Variants in NAXD observed in about 807,000 individuals in gnomAD.
NAXD encodes the protein NAD(P)HX dehydratase.
A neutral mutation model predicts 35.8 loss-of-function variants in NAXD; 22 were observed. The ratio of observed to expected loss-of-function variants is 0.62; its 90% confidence interval spans 0.44 to 0.88. The LOEUF is 0.88. Among genes scored for constraint, NAXD ranks in the 40% least tolerant of loss-of-function variants. NAXD has a pLI of 0.00. For missense variants in NAXD, 428 were observed against 437.7 expected (o/e 0.98, Z 0.20); for synonymous variants, 189 against 177.6 (o/e 1.06, Z -0.51).
chr13:110,616,827 C>T (rs1360207802), intron 1 of NAXD, among the ~76,000 whole-genome samples: 1 of 152,136 alleles, frequency 6.6e-6, no homozygotes, highest in Non-Finnish European at 1.5e-5. Context: ...GTTAAACGCA[C>T]CATTTGTTGC....
At chr13:110,620,578 CAAAAA>C (rs34370844) in intron 1 of NAXD, among the ~76,000 whole-genome samples, 1 of 84,906 alleles carries the variant, frequency 1.2e-5, no homozygotes, top group Admixed American at 1.2e-4. Flanking sequence ...GACTCTGTCT[CAAAAA>C]AAAAAAAAAA....
chr13:110,631,704 T>C (rs1446793261), intron 5 of NAXD, among the ~76,000 whole-genome samples: 1 of 152,210 alleles, frequency 6.6e-6, no homozygotes, highest in Non-Finnish European at 1.5e-5. Flanking sequence ...CTGCCAGTTT[T>C]AACAGTAAAG....
chr13:110,632,373 G>A (rs183788313), intron 5 of NAXD, among the ~76,000 whole-genome samples: 98 of 152,324 alleles, frequency 6.4e-4, no homozygotes, highest in African/African-American at 2.2e-3. Context: ...TGCAAAGAGC[G>A]AAAGAACAAA....
chr13:110,635,619 C>T (rs1377577074), intron 8 of NAXD, 31 bp downstream of exon 8: 3 of 1,610,324 alleles, frequency 1.9e-6, no homozygotes, highest in Non-Finnish European at 1.7e-6. Context: ...GTGCATGGGC[C>T]AGTGCCAGGT....
At chr13:110,631,293 G>C (rs1432685416) in intron 5 of NAXD, among the ~76,000 whole-genome samples, 2 of 152,234 alleles carry the variant, frequency 1.3e-5, no homozygotes. Context: ...ATCTACTACA[G>C]TGTATTTAGT....
rs1228152377 is a variant in NAXD, at chr13:110,619,002, G to A, written c.47-3214G>A. On this transcript the variant is annotated intron_variant, in intron 1 of 9. Transcript: ENST00000680254. Reference sequence around the variant, plus strand: ...GGTGCTGCAGTTGTGACCCCGAGGCGGCCCTGCTGTGCCCTCCTGGGAGTG... The same window carrying A: ...GGTGCTGCAGTTGTGACCCCGAGGCAGCCCTGCTGTGCCCTCCTGGGAGTG... Among the ~76,000 whole-genome samples, 4 of 152,336 alleles carry A rather than the reference G, an allele frequency of 2.6e-5. No homozygotes were observed. In the South Asian group the frequency reaches 8.3e-4, roughly 32 times the overall value.
chr13:110,623,392 G>A (rs1886339144), intron 2 of NAXD, among the ~76,000 whole-genome samples: 1 of 152,168 alleles, frequency 6.6e-6, no homozygotes, highest in Non-Finnish European at 1.5e-5. Context: ...TTCTGTGCCT[G>A]AAGTGCCCTT....
chr13:110,619,242 T>A (rs1033310096), intron 1 of NAXD, among the ~76,000 whole-genome samples: 1 of 152,234 alleles, frequency 6.6e-6, no homozygotes, highest in Non-Finnish European at 1.5e-5. Flanking sequence ...ATACCTCACC[T>A]ATAGTACTTT....
intron 5 of NAXD, among the ~76,000 whole-genome samples, chr13:110,630,686 T>G (rs1222273142): frequency 6.6e-6 from 1 of 152,210 alleles, no homozygotes; most frequent in Admixed American, 6.5e-5. Flanking sequence ...CATGTCGAGC[T>G]GATGCTGGTG....
intron 5 of NAXD, among the ~76,000 whole-genome samples, chr13:110,629,518 C>T (rs1886626886): frequency 6.6e-6 from 1 of 152,200 alleles, no homozygotes; most frequent in South Asian, 2.1e-4. Flanking sequence ...TGCTTTCTGT[C>T]TCTCTGGATT....
At chr13:110,627,662 T>C (rs887586991) in intron 5 of NAXD, 115 bp downstream of exon 5, 64 of 698,378 alleles carry the variant, frequency 9.2e-5, no homozygotes, top group Admixed American at 7.2e-4. Context: ...CTTTGTGGCA[T>C]GATTGAGATA....
intron 1 of NAXD, 56 bp from the exon 2 acceptor site, chr13:110,622,160 G>A (rs1430423840): frequency 1.4e-6 from 2 of 1,462,876 alleles, no homozygotes; most frequent in Non-Finnish European, 1.9e-6. Flanking sequence ...GGGCTATTAT[G>A]TGTACTAACA....
At chr13:110,618,934 C>G (rs1456501141) in intron 1 of NAXD, among the ~76,000 whole-genome samples, 1 of 152,170 alleles carries the variant, frequency 6.6e-6, no homozygotes, top group Non-Finnish European at 1.5e-5. Context: ...GGAGCAGATG[C>G]GGAGAGGACA....
chr13:110,615,922 G>C, intron 1 of NAXD: 1 of 608,122 alleles, frequency 1.6e-6, no homozygotes, highest in Non-Finnish European at 2.4e-6. Flanking sequence ...CGACGGCTGG[G>C]CGCGGCTTGG....
At position 110,639,619 on chromosome 13, in the gene NAXD, G is replaced by C. The variant is rs537476987; in HGVS notation, c.*1091G>C. Reference sequence around the variant, plus strand: ...CGGCCTGACGTTGACGTGTTCTCTGGTCCCATGTCTTAGCGGGGCATGGTA... The same window carrying C: ...CGGCCTGACGTTGACGTGTTCTCTGCTCCCATGTCTTAGCGGGGCATGGTA... On this transcript the variant is annotated 3_prime_UTR_variant, in exon 10 of 10. Transcript: ENST00000680254. 1 of 152,188 alleles carries C rather than the reference G, an allele frequency of 6.6e-6. No individual in the cohort carries two copies. The highest frequency in any genetic ancestry group is 2.4e-5 in the African/African-American group (1 of 41,426). The allele number at this position is 152,188 out of a possible 1,614,324, so 9.4% of individuals were successfully genotyped here.
chr13:110,638,953 G>A lies in NAXD; in HGVS notation c.*425G>A, dbSNP rs1032829407. ...TCCCTAGTCTTTCCTCCGGCAGGGA[G>A]CTGGGCAGGGGTCCCCGGGTGTCTC... is the stretch of plus-strand genomic sequence containing the variant. On this transcript the variant is annotated 3_prime_UTR_variant, in exon 10 of 10. Transcript: ENST00000680254. The surrounding 1 kb of genome is among the most constrained non-coding windows in gnomAD (Gnocchi z 5.4). 1 of 358,000 alleles carries A rather than the reference G, an allele frequency of 2.8e-6. No individual in the cohort carries two copies. The allele number at this position is 358,000 out of a possible 1,614,324, so 22.2% of individuals were successfully genotyped here.
chr13:110,638,185 GGGAGTAGTGGAGGGTTAAT>G lies in NAXD; in HGVS notation c.840-190_840-172del. 1 of 1,482,726 alleles carries G rather than the reference GGGAGTAGTGGAGGGTTAAT, an allele frequency of 6.7e-7. No homozygotes were observed. The highest frequency in any genetic ancestry group is 9.1e-7 in the Non-Finnish European group (1 of 1,101,054). The allele number at this position is 1,482,726 out of a possible 1,614,324, so 91.8% of individuals were successfully genotyped here. On this transcript the variant is annotated intron_variant, in intron 9 of 9. Transcript: ENST00000680254. The surrounding 1 kb of genome is among the most constrained non-coding windows in gnomAD (Gnocchi z 5.4). ...GACGTTTCCTGTGTGCCTCCTGCCA[GGGAGTAGTGGAGGGTTAAT>G]GGTGGTTTTCGCTGTGATAAACCTG... is the stretch of plus-strand genomic sequence containing the variant.
rs550322142 is a variant in NAXD at position 110,616,851 on chromosome 13, T to C, written c.46+1204T>C. ...ACCATTTGTTGCTGTAGTCATTAGA[T>C]AGATTTTACCTTGTGTGTATGTTGG... is the stretch of plus-strand genomic sequence containing the variant. On this transcript the variant is annotated intron_variant, in intron 1 of 9. Coordinates refer to ENST00000680254, the MANE Select transcript of NAXD (RefSeq NM_001242882.2). Among the ~76,000 whole-genome samples, 26 of 152,336 alleles carry C rather than the reference T, an allele frequency of 1.7e-4. No homozygotes were observed. In the South Asian group the frequency reaches 5.4e-3, roughly 32 times the overall value.
chr13:110,628,613 C>T lies in NAXD; in HGVS notation c.441+1066C>T, dbSNP rs1399363878. Reference sequence around the variant, plus strand: ...TGAGGGGCAGGCAGACGCAGGCTGACACTGCACAGACCAGGAAAAGCGGCG... The same window carrying T: ...TGAGGGGCAGGCAGACGCAGGCTGATACTGCACAGACCAGGAAAAGCGGCG... On this transcript the variant is annotated intron_variant, in intron 5 of 9. Transcript: ENST00000680254. The surrounding 1 kb of genome is among the most constrained non-coding windows in gnomAD (Gnocchi z 4.1). Among the ~76,000 whole-genome samples the T allele has an allele frequency of 6.6e-6, 1 of 152,136 alleles. No individual in the cohort carries two copies. Among genetic ancestry groups the T allele is most frequent in the African/African-American group, 2.4e-5 (1 of 41,422 alleles).
Sources: gnomAD v4.1 joint callset for allele counts (sites outside exome capture counted in the v4.1 genomes callset) on GRCh38, gnomAD v4.1.1 for gene constraint, Gnocchi (gnomAD v3.1) non-coding constraint, MANE v1.5 for transcripts, NCBI Gene and HGNC (gene_info 2026-07-23, HGNC 2026-07-21) for gene names.